The following N4BP2L1 variants were observed in gnomAD, a reference collection of about 807,000 sequenced individuals.
The protein encoded by N4BP2L1 is NEDD4 binding protein 2 like 1.
In N4BP2L1, 12 loss-of-function variants were observed where a neutral mutation model predicts 21.2. The ratio of observed to expected loss-of-function variants is 0.57; its 90% CI spans 0.36 to 0.92. The LOEUF is 0.92. N4BP2L1 is among the 40% of genes least tolerant of loss of function. The pLI, the probability that N4BP2L1 is intolerant of heterozygous loss-of-function variation, is 0.01. For synonymous variants in N4BP2L1, 104 were observed against 112.8 expected (o/e 0.92, Z 0.49); for missense variants, 259 against 310.6 (o/e 0.83, Z 1.25).
chr13:32,401,770 A>C lies in N4BP2L1; in HGVS notation c.*1172T>G, dbSNP rs1318232886. The C allele has an allele frequency of 4.5e-6, 1 of 222,566 alleles. No homozygotes were observed. The highest frequency in any genetic ancestry group is 1.8e-4 in the East Asian group (1 of 5,484). The allele number at this position is 222,566 out of a possible 1,614,324, so 13.8% of individuals were successfully genotyped here. On this transcript the variant is annotated 3_prime_UTR_variant, in exon 5 of 5. Transcript: ENST00000380130. ...ATTTACAATTTTTAATAACCATAAA[A>C]GCACCATTATATAAGACACTTAAAA...
chr13:32,421,645 A>AC (rs2074484450), intron 1 of N4BP2L1, among the ~76,000 whole-genome samples: 1 of 152,210 alleles, frequency 6.6e-6, no homozygotes, highest in Non-Finnish European at 1.5e-5. Context: ...CCGGGCAGAC[A>AC]GTCAGCAGTA....
chr13:32,415,715 G>GA (rs892644010), intron 1 of N4BP2L1, among the ~76,000 whole-genome samples: 14 of 151,982 alleles, frequency 9.2e-5, no homozygotes, highest in Middle Eastern at 6.8e-3. Context: ...GAATTTTTTA[G>GA]AAAAAATGTA....
In N4BP2L1 at chr13:32,419,249, T is replaced by C. The variant is rs2074320006; in HGVS notation, c.179+8655A>G. Among the ~76,000 whole-genome samples, 33 of 139,058 alleles carry C rather than the reference T, an allele frequency of 2.4e-4. No individual in the cohort carries two copies. The South Asian group carries it at 8.2e-3, about 35-fold the overall frequency. The allele number at this position is 139,058 out of a possible 152,430, so 91.2% of individuals were successfully genotyped here. On this transcript the variant is annotated intron_variant, in intron 1 of 4. Transcript: ENST00000380130. ...TCTCACAAGATCTGGCTTTTTTTTT[T>C]TTTTTTTTTTTTTTGAGACAGAGTC... is the stretch of plus-strand genomic sequence containing the variant.
intron 1 of N4BP2L1, among the ~76,000 whole-genome samples, chr13:32,413,359 G>C (rs964804034): frequency 6.6e-6 from 1 of 152,198 alleles, no homozygotes; most frequent in African/African-American, 2.4e-5. Flanking sequence ...TCCTCATGCT[G>C]TTTTGGTTTC....
chr13:32,407,127 C>T lies in N4BP2L1; in HGVS notation c.396+123G>A, dbSNP rs2073563186. 6 of 1,004,010 alleles carry T rather than the reference C, an allele frequency of 6.0e-6. No homozygotes were observed. In the East Asian group the frequency reaches 9.8e-5, roughly 16 times the overall value. The allele number at this position is 1,004,010 out of a possible 1,614,324, so 62.2% of individuals were successfully genotyped here. On this transcript the variant is annotated intron_variant, in intron 3 of 4. Transcript: ENST00000380130. Reference sequence around the variant, plus strand: ...AAAATAAAACCTCGTTACCTTCTCCCTGGGAGAACCACTGTTAGCAAATAT... The same window carrying T: ...AAAATAAAACCTCGTTACCTTCTCCTTGGGAGAACCACTGTTAGCAAATAT...
rs1275923399 is a variant in N4BP2L1, at chr13:32,401,615, AG to A, written c.*1326del. On this transcript the variant is annotated 3_prime_UTR_variant, in exon 5 of 5. Coordinates refer to ENST00000380130, the MANE Select transcript of N4BP2L1 (RefSeq NM_052818.3). ...TTACGATTCCTATTTATTAAAAAAA[AG>A]ACTGGTAAATAAGCCTGTGATACAG... 6.6e-6 allele frequency: 1 copy of A among 152,660 alleles called. No homozygotes were observed. The highest frequency in any genetic ancestry group is 1.5e-5 in the Non-Finnish European group (1 of 68,054). The allele number at this position is 152,660 out of a possible 1,614,324, so 9.5% of individuals were successfully genotyped here. A position where few individuals can be genotyped will look rare whatever the true frequency, so the allele number is the denominator to read the frequency against.
At chr13:32,417,832 T>C (rs529148754) in intron 1 of N4BP2L1, among the ~76,000 whole-genome samples, 10 of 152,324 alleles carry the variant, frequency 6.6e-5, no homozygotes, top group East Asian at 1.9e-4. Context: ...ACTCTTGCTA[T>C]GCAAAGAGAC....
In N4BP2L1 at chr13:32,402,020, G is replaced by A; in HGVS notation, c.*922C>T. On this transcript the variant is annotated 3_prime_UTR_variant, in exon 5 of 5. Coordinates refer to ENST00000380130, the MANE Select transcript of N4BP2L1 (RefSeq NM_052818.3). ...ACATCAACTGCTCATTTTGTAATGA[G>A]CATGGCTTTTATATATCCCTGTATG... 1.4e-5 allele frequency: 14 copies of A among 985,400 alleles called. No individual in the cohort carries two copies. The highest frequency in any genetic ancestry group is 1.7e-5 in the Non-Finnish European group (14 of 829,910). The allele number at this position is 985,400 out of a possible 1,614,324, so 61.0% of individuals were successfully genotyped here. A position where few individuals can be genotyped will look rare whatever the true frequency, so the allele number is the denominator to read the frequency against.
At chr13:32,415,761 T>C (rs2074102823) in intron 1 of N4BP2L1, among the ~76,000 whole-genome samples, 1 of 152,182 alleles carries the variant, frequency 6.6e-6, no homozygotes, top group South Asian at 2.1e-4. Flanking sequence ...ATAACACACC[T>C]GCATACACAC....
chr13:32,404,954 C>T (rs1453237389), intron 3 of N4BP2L1, among the ~76,000 whole-genome samples: 2 of 152,212 alleles, frequency 1.3e-5, no homozygotes, highest in Admixed American at 1.3e-4. Flanking sequence ...ATTATAATTT[C>T]CTTATAAACA....
rs1248977847 is a variant in N4BP2L1 at position 32,414,345 on chromosome 13, T to C, written c.180-6573A>G. Among the ~76,000 whole-genome samples the C allele has an allele frequency of 3.9e-5, 6 of 152,346 alleles. No individual in the cohort carries two copies. The East Asian group carries it at 7.7e-4, about 20-fold the overall frequency. Reference sequence around the variant, plus strand: ...CAATGGTCTATGGTTAGGCATTTAGTTTGTCCCTACTTCTTTAATTATCAG... The same window carrying C: ...CAATGGTCTATGGTTAGGCATTTAGCTTGTCCCTACTTCTTTAATTATCAG... On this transcript the variant is annotated intron_variant, in intron 1 of 4. Transcript: ENST00000380130.
chr13:32,409,713 A>T (rs924794881), intron 1 of N4BP2L1, among the ~76,000 whole-genome samples: 7 of 152,074 alleles, frequency 4.6e-5, no homozygotes, highest in African/African-American at 1.7e-4. Flanking sequence ...GGAGTGATGC[A>T]AGTTTGACTT....
chr13:32,402,166 T>C lies in N4BP2L1; in HGVS notation c.*776A>G. ...ATTCCTTTTAAAAGTTAGTGTTTTA[T>C]GAAGGCAGGCTTATTTTATTTACAC... On this transcript the variant is annotated 3_prime_UTR_variant, in exon 5 of 5. Transcript: ENST00000380130. 2 of 985,042 alleles carry C rather than the reference T, an allele frequency of 2.0e-6. No individual in the cohort carries two copies. Among genetic ancestry groups the C allele is most frequent in the Non-Finnish European group, 2.4e-6 (2 of 829,566 alleles). 61.0% of individuals were successfully genotyped at this position (985,042 alleles called of 1,614,324 possible). A position where few individuals can be genotyped will look rare whatever the true frequency, so the allele number is the denominator to read the frequency against.
chr13:32,405,965 C>G (rs528338275), intron 3 of N4BP2L1, among the ~76,000 whole-genome samples: 1 of 134,200 alleles, frequency 7.5e-6, no homozygotes. Flanking sequence ...TGCAGTGGCA[C>G]GATCTCAGCT....
At chr13:32,414,820 T>A (rs967281502) in intron 1 of N4BP2L1, among the ~76,000 whole-genome samples, 1 of 152,242 alleles carries the variant, frequency 6.6e-6, no homozygotes, top group African/African-American at 2.4e-5. Flanking sequence ...CATGTGGGGC[T>A]GCCAGAACCT....
chr13:32,415,093 T>C (rs2074055945), intron 1 of N4BP2L1, among the ~76,000 whole-genome samples: 1 of 152,240 alleles, frequency 6.6e-6, no homozygotes, highest in South Asian at 2.1e-4. Flanking sequence ...CTATATCTTG[T>C]GTGTAAAAAG....
chr13:32,405,320 G>T (rs1797222907), intron 3 of N4BP2L1, among the ~76,000 whole-genome samples: 1 of 152,108 alleles, frequency 6.6e-6, no homozygotes, highest in Non-Finnish European at 1.5e-5. Flanking sequence ...GACCAGGCTG[G>T]CCACCACGGC....
chr13:32,409,776 C>T lies in N4BP2L1; in HGVS notation c.180-2004G>A, dbSNP rs565941552. Among the ~76,000 whole-genome samples the T allele has an allele frequency of 1.1e-4, 17 of 152,046 alleles. 1 individual carries two copies. The East Asian group carries it at 3.1e-3, about 28-fold the overall frequency. On this transcript the variant is annotated intron_variant, in intron 1 of 4. Coordinates refer to ENST00000380130, the MANE Select transcript of N4BP2L1 (RefSeq NM_052818.3). Reference sequence around the variant, plus strand: ...CCTCTTGGGGGAGGGGCTGAGCACACGGGCAGGAAAGAGAGGAGGAAGCGA... The same window carrying T: ...CCTCTTGGGGGAGGGGCTGAGCACATGGGCAGGAAAGAGAGGAGGAAGCGA...
At chr13:32,407,484 T>G in intron 2 of N4BP2L1, 146 bp from the exon 3 acceptor site, 1 of 1,575,976 alleles carries the variant, frequency 6.3e-7, no homozygotes, top group Non-Finnish European at 8.6e-7. Flanking sequence ...ATAATTTTCT[T>G]TCTCTGGAAT....
Sources: gnomAD v4.1 joint callset for allele counts (sites outside exome capture counted in the v4.1 genomes callset) on GRCh38, gnomAD v4.1.1 for gene constraint, MANE v1.5 for transcripts, NCBI Gene and HGNC (gene_info 2026-07-23, HGNC 2026-07-21) for gene names.